Variants in ZNRF2 observed in about 807,000 individuals in gnomAD.
The protein encoded by ZNRF2 is zinc and ring finger 2.
ZNRF2 carries 16 observed loss-of-function variants against 20.4 expected under a neutral mutation model. The ratio of observed to expected loss-of-function variants is 0.79; its 90% CI spans 0.53 to 1.19. ZNRF2 has a LOEUF of 1.19. ZNRF2 is among the 50% of genes most tolerant of loss of function. The pLI is 0.00. For synonymous variants in ZNRF2, 178 were observed against 144.9 expected (o/e 1.23, Z -1.64); for missense variants, 363 against 332.4 (o/e 1.09, Z -0.72).
intron 1 of ZNRF2, among the ~76,000 whole-genome samples, chr7:30,296,281 G>C (rs1240829042): frequency 1.3e-5 from 2 of 152,136 alleles, no homozygotes; most frequent in African/African-American, 4.8e-5. Flanking sequence ...TTATAAAATT[G>C]CCTTAGAAGT....
intron 2 of ZNRF2, among the ~76,000 whole-genome samples, chr7:30,324,560 GAAAA>G (rs57509036): frequency 4.9e-5 from 7 of 142,846 alleles, no homozygotes; most frequent in Middle Eastern, 7.1e-3. Flanking sequence ...AAAAAAAAAA[GAAAA>G]AAAAACAAAA....
chr7:30,316,288 CAAAAAAA>C (rs60218988), intron 1 of ZNRF2, among the ~76,000 whole-genome samples: 5 of 27,474 alleles, frequency 1.8e-4, no homozygotes, highest in African/African-American at 1.8e-4. Flanking sequence ...AACTCCATCT[CAAAAAAA>C]AAAAAAAAAA....
At chr7:30,290,907 A>C (rs1415857714) in intron 1 of ZNRF2, among the ~76,000 whole-genome samples, 1 of 152,248 alleles carries the variant, frequency 6.6e-6, no homozygotes, top group African/African-American at 2.4e-5. Flanking sequence ...GAGGGTACAA[A>C]TATGGAGCTT....
rs1423437516 is a variant in ZNRF2, at chr7:30,366,843, T to C, written c.*831T>C. On this transcript the variant is annotated 3_prime_UTR_variant, in exon 5 of 5. Coordinates refer to ENST00000323037, the MANE Select transcript of ZNRF2 (RefSeq NM_147128.4). ...TTGCAGCTATGCAATTTAAAAAAAA[T>C]ACAGATTACCAATTTCAAGTGCTGC... The C allele has an allele frequency of 6.6e-6, 1 of 152,566 alleles. No homozygotes were observed. Among genetic ancestry groups the C allele is most frequent in the Non-Finnish European group, 1.5e-5 (1 of 67,982 alleles). 9.5% of individuals were successfully genotyped at this position (152,566 alleles called of 1,614,324 possible). A position where few individuals can be genotyped will look rare whatever the true frequency, so the allele number is the denominator to read the frequency against.
chr7:30,302,221 A>G (rs1313828449), intron 1 of ZNRF2, among the ~76,000 whole-genome samples: 1 of 152,198 alleles, frequency 6.6e-6, no homozygotes, highest in African/African-American at 2.4e-5. Context: ...TGAATATATG[A>G]TAGTGGTCTG....
intron 1 of ZNRF2, among the ~76,000 whole-genome samples, chr7:30,322,660 T>C (rs78301492): frequency 0.031 from 4,511 of 143,506 alleles, 167 homozygotes; most frequent in African/African-American, 0.093. Context: ...TTCTTAATCA[T>C]ATTTCCAAAA....
intron 1 of ZNRF2, among the ~76,000 whole-genome samples, chr7:30,295,044 AGAGAGAGTGTGTGT>A (rs1468952026): frequency 2.2e-4 from 25 of 111,850 alleles, no homozygotes; most frequent in African/African-American, 3.8e-4. Flanking sequence ...AGAGAGAGAG[AGAGAGAGTGTGTGT>A]GTGTGTGTGT....
chr7:30,357,367 A>G (rs1187399839), intron 3 of ZNRF2, among the ~76,000 whole-genome samples: 1 of 152,176 alleles, frequency 6.6e-6, no homozygotes, highest in Non-Finnish European at 1.5e-5. Context: ...CCTCATACAT[A>G]CTTTTGAGTA....
At chr7:30,312,147 A>G (rs1444953276) in intron 1 of ZNRF2, among the ~76,000 whole-genome samples, 2 of 152,030 alleles carry the variant, frequency 1.3e-5, no homozygotes, top group African/African-American at 4.8e-5. Context: ...TGGCTAATTT[A>G]AAAACTTTTT....
intron 2 of ZNRF2, among the ~76,000 whole-genome samples, chr7:30,326,816 T>C (rs1161885469): frequency 6.6e-6 from 1 of 152,196 alleles, no homozygotes; most frequent in Non-Finnish European, 1.5e-5. Flanking sequence ...TTTGACTTTT[T>C]AATAATACGC....
chr7:30,310,434 A>T (rs1168255127), intron 1 of ZNRF2, among the ~76,000 whole-genome samples: 1 of 152,126 alleles, frequency 6.6e-6, no homozygotes, highest in Non-Finnish European at 1.5e-5. Flanking sequence ...GATAGTAAAT[A>T]TTTCAGGCTT....
intron 1 of ZNRF2, among the ~76,000 whole-genome samples, chr7:30,287,343 A>C (rs1798810213): frequency 6.6e-6 from 1 of 152,242 alleles, no homozygotes; most frequent in Non-Finnish European, 1.5e-5. Context: ...TTAAAGTGAA[A>C]ATTTGCATTT....
chr7:30,300,054 G>T (rs1799086798), intron 1 of ZNRF2, among the ~76,000 whole-genome samples: 1 of 151,742 alleles, frequency 6.6e-6, no homozygotes, highest in Non-Finnish European at 1.5e-5. Flanking sequence ...AAAGTGCAGG[G>T]ATTACAGGCG....
intron 1 of ZNRF2, among the ~76,000 whole-genome samples, chr7:30,310,824 G>A (rs1799280282): frequency 6.6e-6 from 1 of 151,986 alleles, no homozygotes; most frequent in African/African-American, 2.4e-5. Context: ...TAGGAGATTC[G>A]TTCCTTGTCT....
chr7:30,341,047 T>C (rs1239921256), intron 2 of ZNRF2, among the ~76,000 whole-genome samples: 2 of 152,214 alleles, frequency 1.3e-5, no homozygotes, highest in Non-Finnish European at 2.9e-5. Flanking sequence ...TATAGTATTC[T>C]CTGATGGTAG....
chr7:30,286,428 G>C (rs1562600492), intron 1 of ZNRF2, among the ~76,000 whole-genome samples: 2 of 152,236 alleles, frequency 1.3e-5, no homozygotes, highest in African/African-American at 4.8e-5. Context: ...CACAGTTAAT[G>C]TGAGTCCTGC....
chr7:30,362,367 TC>T lies in ZNRF2; in HGVS notation c.672-8del. The stretch of plus-strand genomic sequence containing the variant: ...AGTATCTCAATTTTTCTGGTTTTGT[TC>T]CTTTCTAGCTGCATAGATGAATGGT... On this transcript the variant is annotated splice_polypyrimidine_tract_variant and intron_variant, in intron 3 of 4. Transcript: ENST00000323037. 1 of 1,565,362 alleles carries T rather than the reference TC, an allele frequency of 6.4e-7. No individual in the cohort carries two copies. Among genetic ancestry groups the T allele is most frequent in the Non-Finnish European group, 8.7e-7 (1 of 1,149,512 alleles).
intron 1 of ZNRF2, among the ~76,000 whole-genome samples, chr7:30,314,486 A>G (rs142312515): frequency 6.6e-5 from 10 of 152,266 alleles, no homozygotes; most frequent in African/African-American, 2.4e-4. Flanking sequence ...GAATAAAGCT[A>G]ATGGGATATT....
rs189456177 is a variant in ZNRF2 at position 30,344,361 on chromosome 7, A to G, written c.566-11367A>G. Among the ~76,000 whole-genome samples the G allele has an allele frequency of 4.4e-3, 670 of 151,784 alleles. 19 individuals carry two copies. The highest frequency in any genetic ancestry group is 0.04 in the Admixed American group (613 of 15,246). On this transcript the variant is annotated intron_variant, in intron 2 of 4. Coordinates refer to ENST00000323037, the MANE Select transcript of ZNRF2 (RefSeq NM_147128.4). ...GTGATTACTTTTATAATTTTATAGAATACCTCTTATTTTTAGATACTGTTT... is the reference window on the plus strand; with the variant it reads ...GTGATTACTTTTATAATTTTATAGAGTACCTCTTATTTTTAGATACTGTTT...
Sources: gnomAD v4.1 joint callset for allele counts (sites outside exome capture counted in the v4.1 genomes callset) on GRCh38, gnomAD v4.1.1 for gene constraint, MANE v1.5 for transcripts, NCBI Gene and HGNC (gene_info 2026-07-23, HGNC 2026-07-21) for gene names.